Variants in MCUB observed in about 807,000 individuals in gnomAD.
MCUB encodes the protein mitochondrial calcium uniporter dominant negative subunit beta.
MCUB carries 46 observed loss-of-function variants against 41.4 expected under a neutral mutation model. The observed-to-expected ratio is 1.11, with a 90% CI of 0.88 to 1.42. MCUB has a LOEUF of 1.42. Among genes scored for constraint, MCUB ranks in the 40% most tolerant of loss-of-function variants. The pLI is 0.00. For missense variants in MCUB, 403 were observed against 404.9 expected (o/e 1.00, Z 0.04); for synonymous variants, 148 against 148.2 (o/e 1.00, Z 0.01).
intron 1 of MCUB, among the ~76,000 whole-genome samples, chr4:109,642,881 A>G (rs552813141): frequency 7.2e-5 from 10 of 139,056 alleles, no homozygotes; most frequent in Non-Finnish European, 1.5e-4. Context: ...GATATACAGT[A>G]CTCTCAGCTA....
At chr4:109,677,049 G>C (rs1729589051) in intron 4 of MCUB, among the ~76,000 whole-genome samples, 1 of 152,236 alleles carries the variant, frequency 6.6e-6, no homozygotes, top group Admixed American at 6.5e-5. Context: ...GCAAAGCCAT[G>C]GGGGCAGGAC....
In MCUB at chr4:109,614,709, A is replaced by G. The variant is rs367911616; in HGVS notation, c.100-44302A>G. On this transcript the variant is annotated intron_variant, in intron 1 of 7. Transcript: ENST00000394650. ...TTTCATCTTGTTTTTGCATTTCCCC[A>G]CTTTTCATCCGTCATCCTTTCCTGA... Among the ~76,000 whole-genome samples the G allele has an allele frequency of 6.0e-5, 9 of 150,596 alleles. No individual in the cohort carries two copies. The East Asian group carries it at 1.6e-3, about 26-fold the overall frequency.
At position 109,566,969 on chromosome 4, in the gene MCUB, T is replaced by C. The variant is rs547905915; in HGVS notation, c.99+6533T>C. Reference sequence around the variant, plus strand: ...CTACTAAAAAATACAGAAAATTAGCTGGGTGTCGTGGCAGGCACCTATAAT... The same window carrying C: ...CTACTAAAAAATACAGAAAATTAGCCGGGTGTCGTGGCAGGCACCTATAAT... On this transcript the variant is annotated intron_variant, in intron 1 of 7. Coordinates refer to ENST00000394650, the MANE Select transcript of MCUB (RefSeq NM_017918.5). Among the ~76,000 whole-genome samples the C allele has an allele frequency of 3.2e-4, 48 of 152,124 alleles. 1 individual carries two copies. Among genetic ancestry groups the C allele is most frequent in the African/African-American group, 9.2e-4 (38 of 41,492 alleles).
intron 2 of MCUB, among the ~76,000 whole-genome samples, chr4:109,659,648 C>T (rs1286686651): frequency 1.3e-5 from 2 of 152,066 alleles, no homozygotes; most frequent in Non-Finnish European, 2.9e-5. Context: ...AAGTGTTTAC[C>T]TGAGAAGACT....
intron 7 of MCUB, among the ~76,000 whole-genome samples, chr4:109,686,953 G>T: frequency 6.6e-6 from 1 of 150,902 alleles, no homozygotes; most frequent in Admixed American, 6.6e-5. Flanking sequence ...AGATAAAGTG[G>T]TAGGTTAAGG....
chr4:109,644,201 A>G (rs1050189492), intron 1 of MCUB, among the ~76,000 whole-genome samples: 1 of 152,230 alleles, frequency 6.6e-6, no homozygotes, highest in Non-Finnish European at 1.5e-5. Flanking sequence ...TAGAAAATAA[A>G]TAGAACAGAT....
At chr4:109,585,753 C>T (rs1727291645) in intron 1 of MCUB, among the ~76,000 whole-genome samples, 3 of 152,152 alleles carry the variant, frequency 2.0e-5, no homozygotes, top group Admixed American at 2.0e-4. Flanking sequence ...AAATTCTTTT[C>T]TTTAAGAATG....
chr4:109,687,644 C>G lies in MCUB; in HGVS notation c.*52C>G. ...TTTCCATTATGTATTGATTTTGCAA[C>G]TTAGGATGTTTTTGAGTCCCATGGT... On this transcript the variant is annotated 3_prime_UTR_variant, in exon 8 of 8. Transcript: ENST00000394650. 1 of 1,207,790 alleles carries G rather than the reference C, an allele frequency of 8.3e-7. No individual in the cohort carries two copies. Among genetic ancestry groups the G allele is most frequent in the South Asian group, 1.3e-5 (1 of 78,312 alleles). The allele number at this position is 1,207,790 out of a possible 1,614,324, so 74.8% of individuals were successfully genotyped here.
At chr4:109,617,877 A>G (rs1728165964) in intron 1 of MCUB, among the ~76,000 whole-genome samples, 1 of 152,206 alleles carries the variant, frequency 6.6e-6, no homozygotes, top group African/African-American at 2.4e-5. Context: ...AGATGTTCTC[A>G]GAGCTATTTA....
chr4:109,629,179 C>A (rs1191760867), intron 1 of MCUB, among the ~76,000 whole-genome samples: 4 of 151,956 alleles, frequency 2.6e-5, no homozygotes, highest in Non-Finnish European at 5.9e-5. Context: ...CTCTATCACC[C>A]AGGCTGGAGT....
intron 4 of MCUB, among the ~76,000 whole-genome samples, chr4:109,667,310 G>A (rs1321636265): frequency 6.6e-6 from 1 of 151,972 alleles, no homozygotes; most frequent in Non-Finnish European, 1.5e-5. Flanking sequence ...TGTGAGTTTT[G>A]ATAGATTGTA....
chr4:109,594,328 A>G (rs197230), intron 1 of MCUB, among the ~76,000 whole-genome samples: 71,773 of 152,028 alleles, frequency 0.47, 17,590 homozygotes, highest in African/African-American at 0.6. Context: ...TGCATATGTT[A>G]TTCAGGAATG....
At chr4:109,674,677 GTATT>G (rs1297389017) in intron 4 of MCUB, among the ~76,000 whole-genome samples, 2 of 152,176 alleles carry the variant, frequency 1.3e-5, no homozygotes, top group Non-Finnish European at 2.9e-5. Context: ...CATAATATTA[GTATT>G]TATTAAAGAA....
intron 1 of MCUB, chr4:109,648,694 A>ATTTTT: frequency 3.8e-5 from 9 of 239,112 alleles, no homozygotes; most frequent in East Asian, 1.3e-4. Context: ...TAGCAGTTTG[A>ATTTTT]TTTTTTTTTT....
chr4:109,640,234 TC>T (rs1728685168), intron 1 of MCUB, among the ~76,000 whole-genome samples: 1 of 152,160 alleles, frequency 6.6e-6, no homozygotes, highest in Non-Finnish European at 1.5e-5. Context: ...GGTCAGTTGA[TC>T]AGTTAGGGTG....
intron 4 of MCUB, among the ~76,000 whole-genome samples, chr4:109,681,982 G>A (rs1277872698): frequency 6.6e-6 from 1 of 152,220 alleles, no homozygotes; most frequent in African/African-American, 2.4e-5. Context: ...TTTATATCCC[G>A]ATCCTTGTCC....
chr4:109,637,958 A>G (rs1046347111), intron 1 of MCUB, among the ~76,000 whole-genome samples: 2 of 152,230 alleles, frequency 1.3e-5, no homozygotes, highest in African/African-American at 4.8e-5. Flanking sequence ...CCTCAGAGAT[A>G]TTGCAGGTTT....
At position 109,581,566 on chromosome 4, in the gene MCUB, A is replaced by C. The variant is rs569926038; in HGVS notation, c.99+21130A>C. Among the ~76,000 whole-genome samples, 16 of 152,302 alleles carry C rather than the reference A, an allele frequency of 1.1e-4. No homozygotes were observed. In the South Asian group the frequency reaches 3.3e-3, roughly 32 times the overall value. On this transcript the variant is annotated intron_variant, in intron 1 of 7. Transcript: ENST00000394650. ...TTAAACTAAAGAGCTTCTGCACAGC[A>C]AAAGAAACCACCATCAGAGTGAACA...
chr4:109,639,045 G>A (rs969368962), intron 1 of MCUB, among the ~76,000 whole-genome samples: 14 of 152,172 alleles, frequency 9.2e-5, no homozygotes, highest in Non-Finnish European at 5.9e-5. Flanking sequence ...TCCTGTTAAT[G>A]TGGATATTTT....
Sources: allele counts gnomAD v4.1 joint callset (sites outside exome capture counted in the v4.1 genomes callset), GRCh38; gene constraint gnomAD v4.1.1; transcripts MANE v1.5; gene names NCBI Gene and HGNC (gene_info 2026-07-23, HGNC 2026-07-21).